SULT1A1: variants seen among roughly 807,000 people sequenced by gnomAD.
SULT1A1 encodes the protein sulfotransferase family 1A member 1.
Under a neutral mutation model 36.8 loss-of-function variants are expected in SULT1A1, and 35 were observed. That is an observed-to-expected ratio of 0.95 (90% CI 0.73 to 1.26). The LOEUF is 1.26. Ranked by LOEUF, SULT1A1 falls within the 50% of genes most tolerant of loss-of-function variation. SULT1A1 has a pLI of 0.00. For missense variants in SULT1A1, 309 were observed against 383.0 expected (o/e 0.81, Z 1.61); for synonymous variants, 119 against 146.0 (o/e 0.82, Z 1.33).
At chr16:28,620,486 C>T (rs2047629135) in intron 1 of SULT1A1, among the ~76,000 whole-genome samples, 1 of 150,208 alleles carries the variant, frequency 6.7e-6, no homozygotes, top group Non-Finnish European at 1.5e-5. Context: ...ATTGCTTGAG[C>T]CTGGGAGGTG....
chr16:28,610,254 T>A, upstream of SULT1A1: 1 of 1,191,452 alleles, frequency 8.4e-7, no homozygotes, highest in Non-Finnish European at 1.1e-6. Flanking sequence ...TTTGTAGGTT[T>A]TTTTTTTCTG....
At chr16:28,608,437 T>C (rs2047309268) in intron 3 of SULT1A1, 41 bp downstream of exon 3, 9 of 1,612,302 alleles carry the variant, frequency 5.6e-6, no homozygotes, top group African/African-American at 1.3e-5. Context: ...CCCAGCCCTG[T>C]CTTCCTCCAC....
chr16:28,609,639 T>A, intron 1 of SULT1A1: 1 of 381,778 alleles, frequency 2.6e-6, no homozygotes, highest in Non-Finnish European at 4.8e-6. Context: ...GGGCCTGTAG[T>A]CCTAGCTACT....
At chr16:28,611,008 G>A (rs1276432267), upstream of SULT1A1, 1 of 152,398 alleles carries the variant, frequency 6.6e-6, no homozygotes, top group Non-Finnish European at 1.5e-5. Context: ...GCAGAGGAGA[G>A]GCTTCTCATA....
chr16:28,623,050 C>G, intron 1 of SULT1A1: 1 of 1,511,622 alleles, frequency 6.6e-7, no homozygotes, highest in Admixed American at 2.0e-5. Flanking sequence ...CGCCCTCCCT[C>G]CAGCCGCTTG....
chr16:28,620,882 G>C (rs1475231857), intron 1 of SULT1A1, among the ~76,000 whole-genome samples: 1 of 151,986 alleles, frequency 6.6e-6, no homozygotes, highest in Non-Finnish European at 1.5e-5. Context: ...AAGTTGAGGC[G>C]AGCGGATCAC....
exon 1 of SULT1A1, chr16:28,623,313 G>T: frequency 6.5e-7 from 1 of 1,530,174 alleles, no homozygotes; most frequent in South Asian, 1.2e-5. Flanking sequence ...GCGCCAGTCG[G>T]CCTAGCGGCC....
intron 2 of SULT1A1, among the ~76,000 whole-genome samples, chr16:28,616,666 T>G (rs1596650972): frequency 6.6e-6 from 1 of 152,026 alleles, no homozygotes; most frequent in East Asian, 1.9e-4. Context: ...CAAGGGATCC[T>G]CTCGCCTCAC....
chr16:28,605,668 C>T lies in SULT1A1; in HGVS notation c.*153G>A. On this transcript the variant is annotated 3_prime_UTR_variant, in exon 8 of 8. Transcript: ENST00000314752. Reference sequence around the variant, plus strand: ...TGTTGCCCAGGTTGGTCTCGAACTCCTGGGCTCAAATGATCCTCCCACCTC... The same window carrying T: ...TGTTGCCCAGGTTGGTCTCGAACTCTTGGGCTCAAATGATCCTCCCACCTC... 3 of 1,363,388 alleles carry T rather than the reference C, an allele frequency of 2.2e-6. No homozygotes were observed. The highest frequency in any genetic ancestry group is 2.5e-5 in the East Asian group (1 of 40,704). The allele number at this position is 1,363,388 out of a possible 1,614,324, so 84.5% of individuals were successfully genotyped here. A position where few individuals can be genotyped will look rare whatever the true frequency, so the allele number is the denominator to read the frequency against.
rs1330779414 is a variant in SULT1A1, at chr16:28,606,793, C to G, written c.562G>C (p.Val188Leu). The G allele has an allele frequency of 1.2e-6, 2 of 1,612,342 alleles. No homozygotes were observed. The highest frequency in any genetic ancestry group is 2.2e-5 in the South Asian group (2 of 91,028). The change falls in exon 6 of 8, where the codon GTT becomes CTT. Residue 188 changes from valine to leucine, a missense_variant. Coordinates refer to ENST00000314752, the MANE Select transcript of SULT1A1 (RefSeq NM_001055.4). ...ATGTCTTCATAGAAGAGGTAGAGAA[C>G]AGGGTGGGTGCGGCTCAGCTCCCAC... ...EWWELSRTHPVLYLFYEDMKE... is the reference protein window; with the variant it reads ...EWWELSRTHPLLYLFYEDMKE...
intron 1 of SULT1A1, among the ~76,000 whole-genome samples, chr16:28,621,759 A>G (rs1284238023): frequency 2.0e-5 from 3 of 152,046 alleles, no homozygotes; most frequent in African/African-American, 7.2e-5. Context: ...CTTAAGACCC[A>G]TAGAGATTTT....
intron 1 of SULT1A1, chr16:28,620,285 A>G: frequency 1.3e-6 from 1 of 757,430 alleles, no homozygotes. Context: ...GAGAACATAG[A>G]CAGGTGCCGT....
intron 4 of SULT1A1, 101 bp from the exon 5 acceptor site, chr16:28,607,178 GCTGA>G: frequency 6.4e-7 from 1 of 1,563,064 alleles, no homozygotes; most frequent in Non-Finnish European, 8.7e-7. Context: ...AGGCTTAGAG[GCTGA>G]CTTGTTTGAG....
chr16:28,619,944 T>C (rs2047617586), intron 2 of SULT1A1: 4 of 811,334 alleles, frequency 4.9e-6, no homozygotes, highest in Non-Finnish European at 7.5e-6. Flanking sequence ...TATACACATA[T>C]ATACACAAAA....
At chr16:28,623,143 C>G (rs1481784739) in exon 1 of SULT1A1, 1 of 1,358,476 alleles carries the variant, frequency 7.4e-7, no homozygotes, top group Non-Finnish European at 9.7e-7. Context: ...GCGTAGAAGG[C>G]CGAGACCGCG....
Position 28,606,842 on chromosome 16 carries a change from G to A in SULT1A1, c.513C>T (p.Ser171=), listed in dbSNP as rs1306163933. The A allele has an allele frequency of 2.5e-6, 4 of 1,612,416 alleles. No individual in the cohort carries two copies. The highest frequency in any genetic ancestry group is 3.3e-5 in the Admixed American group (2 of 59,908). ...ACCACTCCTGCACGTGCTGGTACCA[G>A]GATCCGTAGGACACTGGAGAAGCAG... The part of the protein sequence containing the change: ...KFMVGEVSYG[S]WYQHVQEWWE... Residue 171 remains serine (S), a synonymous_variant, in exon 6 of 8, where the codon TCC becomes TCT. Coordinates refer to ENST00000314752, the MANE Select transcript of SULT1A1 (RefSeq NM_001055.4).
exon 1 of SULT1A1, chr16:28,623,134 C>T (rs1567320925): frequency 1.5e-6 from 2 of 1,336,322 alleles, no homozygotes; most frequent in African/African-American, 1.6e-5. Context: ...CCCTCACCGG[C>T]GTAGAAGGCC....
At chr16:28,619,634 C>T (rs2047609732) in intron 2 of SULT1A1, among the ~76,000 whole-genome samples, 3 of 151,670 alleles carry the variant, frequency 2.0e-5, no homozygotes, top group African/African-American at 2.4e-5. Flanking sequence ...GTGGGAGGAT[C>T]GCTTGAGCTC....
rs2047341215 is a variant in SULT1A1 at position 28,608,980 on chromosome 16, C to A, written c.-4-121G>T. On this transcript the variant is annotated intron_variant, in intron 1 of 7. Transcript: ENST00000314752. ...GGAGGCTGAGTGACTTGCCCGCACTCACAAAGCCACTCAGTGGCGGGGCTG... is the reference window on the plus strand; with the variant it reads ...GGAGGCTGAGTGACTTGCCCGCACTAACAAAGCCACTCAGTGGCGGGGCTG... The A allele has an allele frequency of 3.2e-6, 5 of 1,586,568 alleles. 1 individual carries two copies. The highest frequency in any genetic ancestry group is 2.7e-5 in the African/African-American group (2 of 74,512).
Sources: allele counts gnomAD v4.1 joint callset (sites outside exome capture counted in the v4.1 genomes callset), GRCh38; gene constraint gnomAD v4.1.1; transcripts MANE v1.5; gene names NCBI Gene and HGNC (gene_info 2026-07-23, HGNC 2026-07-21).